ADAM22: variants seen among roughly 807,000 people sequenced by gnomAD.
The protein encoded by ADAM22 is disintegrin and metalloproteinase domain-containing protein 22.
Under a neutral mutation model 144.6 loss-of-function variants are expected in ADAM22, and 65 were observed. The ratio of observed to expected loss-of-function variants is 0.45; its 90% CI spans 0.37 to 0.55. The LOEUF (loss-of-function observed/expected upper bound fraction) is 0.55. Ranked by LOEUF, ADAM22 falls within the 20% of genes least tolerant of loss-of-function variation. ADAM22 has a pLI of 0.00. For missense variants in ADAM22, 974 were observed against 1,184.9 expected, an observed-to-expected ratio of 0.82 and a Z score of 2.61; for synonymous variants, 391 against 412.6, an observed-to-expected ratio of 0.95 and a Z score of 0.63.
At chr7:88,006,820 T>C (rs1331817678) in intron 3 of ADAM22, among the ~76,000 whole-genome samples, 52 of 150,880 alleles carry the variant, frequency 3.4e-4, no homozygotes, top group South Asian at 1.5e-3. Context: ...AAACTGGAAG[T>C]ATTCCCTTTG....
At chr7:87,963,333 G>T (rs569019493) in intron 2 of ADAM22, among the ~76,000 whole-genome samples, 106 of 152,202 alleles carry the variant, frequency 7.0e-4, no homozygotes, top group African/African-American at 2.5e-3. Context: ...AACCCACCCA[G>T]TTTTCAGAAG....
chr7:87,983,899 T>C (rs1316555361), intron 3 of ADAM22, among the ~76,000 whole-genome samples: 2 of 152,096 alleles, frequency 1.3e-5, no homozygotes, highest in Non-Finnish European at 2.9e-5. Context: ...GCTTTCCCAT[T>C]GGTGACACCA....
intron 3 of ADAM22, among the ~76,000 whole-genome samples, chr7:88,013,951 CTA>C (rs1410826666): frequency 6.6e-6 from 1 of 152,202 alleles, no homozygotes; most frequent in Non-Finnish European, 1.5e-5. Context: ...CTGAGTACCA[CTA>C]TCTTTTTTCT....
chr7:87,984,750 G>A lies in ADAM22; in HGVS notation c.323+6338G>A, dbSNP rs567835589. Among the ~76,000 whole-genome samples, 226 of 152,080 alleles carry A rather than the reference G, an allele frequency of 1.5e-3. 2 individuals are homozygous for A. The highest frequency in any genetic ancestry group is 2.7e-3 in the Non-Finnish European group (182 of 68,012). The stretch of plus-strand genomic sequence containing the variant: ...GTCTGGAGTGCAATGGCGTGATCTC[G>A]GCTTACTACAGCCTCAACCCCCTGG... On this transcript the variant is annotated intron_variant, in intron 3 of 31. Coordinates refer to ENST00000413139, the MANE Select transcript of ADAM22 (RefSeq NM_001324418.2).
intron 4 of ADAM22, among the ~76,000 whole-genome samples, chr7:88,085,886 A>T (rs959565301): frequency 6.6e-6 from 1 of 152,206 alleles, no homozygotes; most frequent in African/African-American, 2.4e-5. Flanking sequence ...GGTTTTAAAA[A>T]TAATTTTTGC....
chr7:87,953,753 C>A (rs1845857779), intron 2 of ADAM22, among the ~76,000 whole-genome samples: 1 of 152,008 alleles, frequency 6.6e-6, no homozygotes, highest in Non-Finnish European at 1.5e-5. Flanking sequence ...GTTAAAGTCT[C>A]CCATTATTAT....
At chr7:88,189,857 T>A (rs1849218416) in intron 30 of ADAM22, among the ~76,000 whole-genome samples, 1 of 151,976 alleles carries the variant, frequency 6.6e-6, no homozygotes, top group South Asian at 2.1e-4. Flanking sequence ...GGCGGGAGAA[T>A]CGCTTGAACC....
intron 4 of ADAM22, among the ~76,000 whole-genome samples, chr7:88,084,032 C>G (rs1304848762): frequency 6.6e-6 from 1 of 152,044 alleles, no homozygotes; most frequent in Admixed American, 6.6e-5. Flanking sequence ...TCTCTTATTC[C>G]CTTGTTAAAT....
At chr7:88,116,388 T>G (rs1008073583) in intron 6 of ADAM22, among the ~76,000 whole-genome samples, 1 of 152,158 alleles carries the variant, frequency 6.6e-6, no homozygotes, top group African/African-American at 2.4e-5. Context: ...CTACCAAAGC[T>G]CTCTGACTTT....
chr7:88,136,516 C>T (rs535926562), intron 14 of ADAM22, among the ~76,000 whole-genome samples: 1 of 152,074 alleles, frequency 6.6e-6, no homozygotes, highest in African/African-American at 2.4e-5. Context: ...AATGTACAAT[C>T]TGCTCTCCCG....
chr7:88,101,638 T>C (rs1822959806), intron 4 of ADAM22, among the ~76,000 whole-genome samples: 1 of 152,190 alleles, frequency 6.6e-6, no homozygotes, highest in Non-Finnish European at 1.5e-5. Flanking sequence ...GATATTCTTA[T>C]CTCACCTTTT....
chr7:88,157,434 T>A (rs1295188668), intron 22 of ADAM22, among the ~76,000 whole-genome samples: 1 of 152,180 alleles, frequency 6.6e-6, no homozygotes, highest in African/African-American at 2.4e-5. Context: ...TAGAGAAAAT[T>A]ATTTCCAAAC....
At chr7:88,103,756 A>G (rs1437237725) in intron 4 of ADAM22, among the ~76,000 whole-genome samples, 1 of 152,156 alleles carries the variant, frequency 6.6e-6, no homozygotes, top group Non-Finnish European at 1.5e-5. Context: ...TATAATACTT[A>G]CTTCCATATA....
At chr7:87,949,146 T>G (rs1207966112) in intron 2 of ADAM22, among the ~76,000 whole-genome samples, 1 of 152,212 alleles carries the variant, frequency 6.6e-6, no homozygotes, top group African/African-American at 2.4e-5. Flanking sequence ...TTCCTGCACT[T>G]ATACCCCTCC....
intron 3 of ADAM22, among the ~76,000 whole-genome samples, chr7:87,981,758 T>C (rs1161920593): frequency 6.6e-6 from 1 of 151,850 alleles, no homozygotes; most frequent in Non-Finnish European, 1.5e-5. Context: ...TCAATTGGAA[T>C]TGAAAGTTAA....
intron 22 of ADAM22, among the ~76,000 whole-genome samples, chr7:88,160,340 A>G (rs900825630): frequency 6.6e-6 from 1 of 152,204 alleles, no homozygotes; most frequent in Admixed American, 6.6e-5. Flanking sequence ...AAAGCAATTT[A>G]CAGATTAAAT....
chr7:88,067,139 T>C (rs1397689483), intron 3 of ADAM22, among the ~76,000 whole-genome samples: 1 of 152,060 alleles, frequency 6.6e-6, no homozygotes, highest in Non-Finnish European at 1.5e-5. Flanking sequence ...TTTACTTGAC[T>C]GTAATGGGGA....
intron 4 of ADAM22, among the ~76,000 whole-genome samples, chr7:88,082,940 G>A (rs563354627): frequency 0.023 from 3,551 of 152,216 alleles, 147 homozygotes; most frequent in African/African-American, 0.08. Context: ...CGATTCCTCA[G>A]GGATCTAGAA....
intron 3 of ADAM22, among the ~76,000 whole-genome samples, chr7:88,031,925 A>T (rs1013013207): frequency 6.6e-6 from 1 of 152,200 alleles, no homozygotes; most frequent in Admixed American, 6.5e-5. Context: ...AGCCTTCCAG[A>T]TGGTGTTAGG....
Sources: allele counts gnomAD v4.1 joint callset (sites outside exome capture counted in the v4.1 genomes callset), GRCh38; gene constraint gnomAD v4.1.1; transcripts MANE v1.5; gene names NCBI Gene and HGNC (gene_info 2026-07-23, HGNC 2026-07-21).